The following MBNL1 variants were observed in gnomAD, a reference collection of about 807,000 sequenced individuals.
MBNL1 encodes the protein muscleblind like splicing regulator 1.
In MBNL1, 8 loss-of-function variants were observed where a neutral mutation model predicts 42.2. The ratio of observed to expected loss-of-function variants is 0.19; its 90% confidence interval spans 0.11 to 0.34. The LOEUF (loss-of-function observed/expected upper bound fraction) is 0.34, where lower values mean the gene tolerates loss of function less well. MBNL1 is among the 10% of genes least tolerant of loss of function. MBNL1 has a pLI of 1.00. For missense variants in MBNL1, 309 were observed against 495.3 expected, an observed-to-expected ratio of 0.62 and a Z score of 3.57; for synonymous variants, 169 against 173.9, an observed-to-expected ratio of 0.97 and a Z score of 0.22.
intron 1 of MBNL1, among the ~76,000 whole-genome samples, chr3:152,295,361 G>A (rs543778769): frequency 1.3e-5 from 2 of 152,224 alleles, no homozygotes; most frequent in South Asian, 4.1e-4. Flanking sequence ...ATTTAGATAT[G>A]ACTACCAAGC....
At chr3:152,269,372 A>G (rs1308373903) in intron 1 of MBNL1, 8 of 358,510 alleles carry the variant, frequency 2.2e-5, no homozygotes, top group African/African-American at 1.3e-4. Context: ...GCCCAGCGGG[A>G]CCCAGGGAGA....
At chr3:152,426,087 TAAC>T (rs1193847277) in intron 3 of MBNL1, among the ~76,000 whole-genome samples, 1 of 149,598 alleles carries the variant, frequency 6.7e-6, no homozygotes, top group African/African-American at 2.5e-5. Flanking sequence ...CTCAGCAAAC[TAAC>T]AACAGGAACA....
chr3:152,460,698 A>G (rs2153980341), intron 9 of MBNL1, among the ~76,000 whole-genome samples: 1 of 152,034 alleles, frequency 6.6e-6, no homozygotes, highest in South Asian at 2.1e-4. Context: ...TTTGTCCAGT[A>G]TGCATGCATT....
At chr3:152,435,291 T>C (rs1289132113) in intron 4 of MBNL1, among the ~76,000 whole-genome samples, 2 of 152,206 alleles carry the variant, frequency 1.3e-5, no homozygotes, top group South Asian at 2.1e-4. Flanking sequence ...ATTTATTGAA[T>C]AGGGAGTCCT....
chr3:152,293,994 AAAGAAT>A (rs1479846075), intron 1 of MBNL1, among the ~76,000 whole-genome samples: 2 of 148,712 alleles, frequency 1.3e-5, no homozygotes, highest in Non-Finnish European at 3.0e-5. Flanking sequence ...ATAATTGTTG[AAAGAAT>A]AAGAATAATT....
intron 2 of MBNL1, among the ~76,000 whole-genome samples, chr3:152,402,635 T>G (rs929250690): frequency 6.8e-6 from 1 of 146,674 alleles, no homozygotes; most frequent in Non-Finnish European, 1.5e-5. Context: ...AGCCACAAAT[T>G]TGTACTTGGA....
chr3:152,281,198 T>C (rs897103014), intron 1 of MBNL1, among the ~76,000 whole-genome samples: 8 of 152,166 alleles, frequency 5.3e-5, no homozygotes, highest in African/African-American at 1.9e-4. Context: ...AGTGAGAAGA[T>C]TGAGGCTTGG....
At chr3:152,318,517 T>G (rs1412995658) in intron 2 of MBNL1, among the ~76,000 whole-genome samples, 2 of 152,226 alleles carry the variant, frequency 1.3e-5, no homozygotes, top group African/African-American at 2.4e-5. Context: ...ATAAAATTAC[T>G]GCAAATGTAT....
intron 2 of MBNL1, among the ~76,000 whole-genome samples, chr3:152,349,008 C>T (rs1031646752): frequency 8.6e-5 from 13 of 151,990 alleles, no homozygotes; most frequent in Admixed American, 8.5e-4. Context: ...CTTACTACCT[C>T]CTGGGAACAG....
rs190547181 is a variant in MBNL1, at chr3:152,403,483, C to A, written c.175-11458C>A. On this transcript the variant is annotated intron_variant, in intron 2 of 9. Transcript: ENST00000324210. ...TTGTATGTTTATTGTTAATATGGATCTTTTTCTGAAAAACTATTCAAGGAT... is the reference window on the plus strand; with the variant it reads ...TTGTATGTTTATTGTTAATATGGATATTTTTCTGAAAAACTATTCAAGGAT... 3.2e-4 allele frequency among the ~76,000 whole-genome samples: 48 copies of A among 152,084 alleles called. No individual in the cohort carries two copies. The East Asian group carries it at 7.0e-3, about 22-fold the overall frequency.
At chr3:152,443,934 T>C (rs1020282541) in intron 4 of MBNL1, among the ~76,000 whole-genome samples, 1 of 152,172 alleles carries the variant, frequency 6.6e-6, no homozygotes, top group African/African-American at 2.4e-5. Context: ...ATACAGATTA[T>C]AGTATCTCCT....
chr3:152,392,441 A>G (rs1015958440), intron 2 of MBNL1, among the ~76,000 whole-genome samples: 2 of 152,220 alleles, frequency 1.3e-5, no homozygotes, highest in African/African-American at 4.8e-5. Flanking sequence ...TGCTTTTTAA[A>G]AACTCAAAAA....
intron 3 of MBNL1, among the ~76,000 whole-genome samples, chr3:152,424,157 A>AT (rs2098853670): frequency 1.3e-5 from 2 of 152,196 alleles, no homozygotes; most frequent in Admixed American, 6.5e-5. Flanking sequence ...AGATGACATG[A>AT]TTGTATATTT....
chr3:152,423,745 G>A (rs1472546122), intron 3 of MBNL1, among the ~76,000 whole-genome samples: 1 of 152,158 alleles, frequency 6.6e-6, no homozygotes, highest in Non-Finnish European at 1.5e-5. Context: ...TGATCAAGTC[G>A]GTTTCATCCC....
At chr3:152,377,701 A>G (rs1378779741) in intron 2 of MBNL1, among the ~76,000 whole-genome samples, 1 of 152,218 alleles carries the variant, frequency 6.6e-6, no homozygotes, top group African/African-American at 2.4e-5. Flanking sequence ...GTTTAAAATT[A>G]TTTAACATTG....
chr3:152,430,934 G>A (rs902587110), intron 3 of MBNL1, among the ~76,000 whole-genome samples: 1 of 152,200 alleles, frequency 6.6e-6, no homozygotes, highest in Non-Finnish European at 1.5e-5. Context: ...AAACCAACAT[G>A]TTCAGAGGCA....
At chr3:152,416,733 C>T (rs900068916) in intron 3 of MBNL1, among the ~76,000 whole-genome samples, 4 of 152,212 alleles carry the variant, frequency 2.6e-5, no homozygotes, top group Admixed American at 1.3e-4. Context: ...TTGAGTCTTA[C>T]TCTGAAGGCC....
intron 2 of MBNL1, among the ~76,000 whole-genome samples, chr3:152,388,650 A>G (rs1370411099): frequency 6.6e-6 from 1 of 152,182 alleles, no homozygotes; most frequent in African/African-American, 2.4e-5. Flanking sequence ...GTATGGGAAA[A>G]GGATAGGATA....
At chr3:152,257,162 G>C (rs949979460) in intron 2 of MBNL1, among the ~76,000 whole-genome samples, 6 of 152,196 alleles carry the variant, frequency 3.9e-5, no homozygotes. Context: ...GCGTGTGTGT[G>C]AGAGAATAAA....
Sources: gnomAD v4.1 joint callset for allele counts (sites outside exome capture counted in the v4.1 genomes callset) on GRCh38, gnomAD v4.1.1 for gene constraint, MANE v1.5 for transcripts, NCBI Gene and HGNC (gene_info 2026-07-23, HGNC 2026-07-21) for gene names.